Variants in LRFN2 observed in about 807,000 individuals in gnomAD.
LRFN2 encodes leucine-rich repeat and fibronectin type-III domain-containing protein 2.
LRFN2 carries 18 observed loss-of-function variants against 37.3 expected under a neutral mutation model. That is an observed-to-expected ratio of 0.48 (90% CI 0.33 to 0.72). LRFN2 has a LOEUF of 0.72. LRFN2 is among the 30% of genes least tolerant of loss of function. The probability of loss-of-function intolerance (pLI) is 0.02; values close to 1 mark genes in which losing one functional copy is unlikely to be tolerated. For synonymous variants in LRFN2, 556 were observed against 466.6 expected (o/e 1.19, Z -2.47); for missense variants, 1,006 against 1,060.7 (o/e 0.95, Z 0.72).
At chr6:40,487,755 A>G (rs1033426887) in intron 1 of LRFN2, among the ~76,000 whole-genome samples, 3 of 152,242 alleles carry the variant, frequency 2.0e-5, no homozygotes, top group Admixed American at 6.5e-5. Context: ...AAAGGAAGCT[A>G]CCAGGCCCAC....
chr6:40,432,959 C>G lies in LRFN2; in HGVS notation c.155G>C (p.Arg52Pro). ...GCCCAGGCGCAGCTCCACTGTCCGC[C>G]GGTCAATATCAGGGGGTACAAAGAG... is the stretch of plus-strand genomic sequence containing the variant. Reference protein sequence around the residue: ...GLLFVPPDIDRRTVELRLGGN... With the variant: ...GLLFVPPDIDPRTVELRLGGN... Residue 52 changes from arginine to proline, a missense_variant, in exon 2 of 3, where the codon CGG becomes CCG. This residue lies in a region of LRFN2 where 185 missense variants were observed against 254.9 expected (regional missense o/e 0.73). Transcript: ENST00000338305. The G allele has an allele frequency of 6.2e-7, 1 of 1,613,556 alleles. No individual in the cohort carries two copies. The highest frequency in any genetic ancestry group is 8.5e-7 in the Non-Finnish European group (1 of 1,179,646).
chr6:40,475,774 C>T (rs985412637), intron 1 of LRFN2, among the ~76,000 whole-genome samples: 1 of 152,150 alleles, frequency 6.6e-6, no homozygotes, highest in African/African-American at 2.4e-5. Context: ...GCTGACAATG[C>T]TCCTGGGATG....
At chr6:40,543,546 A>C (rs1766595795) in intron 1 of LRFN2, among the ~76,000 whole-genome samples, 1 of 152,160 alleles carries the variant, frequency 6.6e-6, no homozygotes, top group Non-Finnish European at 1.5e-5. Flanking sequence ...GTGGGAAAAC[A>C]AGCCTGTGAT....
chr6:40,437,301 T>C (rs574937632), intron 1 of LRFN2, among the ~76,000 whole-genome samples: 3 of 152,288 alleles, frequency 2.0e-5, no homozygotes, highest in Non-Finnish European at 4.4e-5. Flanking sequence ...GCAATATAGA[T>C]GGACTGCCTC....
At chr6:40,509,785 G>A (rs1765648022) in intron 1 of LRFN2, among the ~76,000 whole-genome samples, 1 of 151,112 alleles carries the variant, frequency 6.6e-6, no homozygotes, top group Admixed American at 6.6e-5. Context: ...AGGCAGTGGG[G>A]TGGGGGTGCA....
chr6:40,576,938 A>G (rs2113797654), intron 1 of LRFN2, among the ~76,000 whole-genome samples: 1 of 151,728 alleles, frequency 6.6e-6, no homozygotes, highest in Admixed American at 6.6e-5. Context: ...CACCCTAGAT[A>G]CTGACCCATG....
chr6:40,510,542 G>A (rs780071917), intron 1 of LRFN2, among the ~76,000 whole-genome samples: 14 of 152,190 alleles, frequency 9.2e-5, no homozygotes, highest in Non-Finnish European at 1.8e-4. Flanking sequence ...ACAAACATTT[G>A]TTGAGCTCCT....
chr6:40,509,900 A>G (rs115499806), intron 1 of LRFN2, among the ~76,000 whole-genome samples: 2,766 of 143,776 alleles, frequency 0.019, 24 homozygotes, highest in Non-Finnish European at 0.024. Flanking sequence ...AGTGGGGGTG[A>G]GTGCATGCAT....
At chr6:40,425,006 T>C (rs1435312280) in intron 2 of LRFN2, among the ~76,000 whole-genome samples, 1 of 152,046 alleles carries the variant, frequency 6.6e-6, no homozygotes, top group Non-Finnish European at 1.5e-5. Context: ...CCTGATGGGG[T>C]GAAAACTTGC....
Position 40,391,797 on chromosome 6 carries a change from T to C in LRFN2, c.*146A>G, listed in dbSNP as rs2113787735. 3 of 759,904 alleles carry C rather than the reference T, an allele frequency of 3.9e-6. No individual in the cohort carries two copies. Among genetic ancestry groups the C allele is most frequent in the South Asian group, 2.8e-5 (1 of 36,104 alleles). 47.1% of individuals were successfully genotyped at this position (759,904 alleles called of 1,614,324 possible). A position where few individuals can be genotyped will look rare whatever the true frequency, so the allele number is the denominator to read the frequency against. On this transcript the variant is annotated 3_prime_UTR_variant, in exon 3 of 3. Transcript: ENST00000338305. ...GGGAGGTGATGTGGGTGTTGCGGGG[T>C]AGGGGGGGACACGAGGCCATTGACA... is the stretch of plus-strand genomic sequence containing the variant.
At chr6:40,523,742 C>T (rs1766159135) in intron 1 of LRFN2, 1 of 152,142 alleles carries the variant, frequency 6.6e-6, no homozygotes, top group African/African-American at 2.4e-5. Context: ...TTAAGACACC[C>T]AAGGCCACAA....
chr6:40,526,507 A>T (rs774221537), intron 1 of LRFN2, among the ~76,000 whole-genome samples: 10 of 152,106 alleles, frequency 6.6e-5, no homozygotes, highest in Non-Finnish European at 1.2e-4. Context: ...TTAGCACACC[A>T]GTTCTCCACA....
chr6:40,543,471 T>C (rs537191977), intron 1 of LRFN2, among the ~76,000 whole-genome samples: 3 of 152,270 alleles, frequency 2.0e-5, no homozygotes, highest in Admixed American at 2.0e-4. Context: ...AACTTCTTCC[T>C]CCCACCATCC....
rs549222487 is a variant in LRFN2 at position 40,456,632 on chromosome 6, T to C, written c.-18-23501A>G. On this transcript the variant is annotated intron_variant, in intron 1 of 2. Transcript: ENST00000338305. ...TGGCATATTGGTTGGCTTGTTTGAT[T>C]CTCTAAGATCCCTGAAGGGAATATT... 1.0e-3 allele frequency among the ~76,000 whole-genome samples: 157 copies of C among 152,320 alleles called. 1 individual carries two copies. The South Asian group carries it at 0.032, about 31-fold the overall frequency.
Position 40,506,459 on chromosome 6 carries a change from T to G in LRFN2, c.-18-73328A>C, listed in dbSNP as rs1324281613. ...AGAAATCATGTTCACTGGAGTCAAA[T>G]CTACATTCTATATATTCTAGAACTG... On this transcript the variant is annotated intron_variant, in intron 1 of 2. Coordinates refer to ENST00000338305, the MANE Select transcript of LRFN2 (RefSeq NM_020737.3). Among the ~76,000 whole-genome samples, 4 of 152,184 alleles carry G rather than the reference T, an allele frequency of 2.6e-5. 1 individual carries two copies. The South Asian group carries it at 8.3e-4, about 32-fold the overall frequency.
intron 2 of LRFN2, among the ~76,000 whole-genome samples, chr6:40,398,191 A>G (rs1289310117): frequency 6.6e-6 from 1 of 151,600 alleles, no homozygotes; most frequent in Admixed American, 6.6e-5. Flanking sequence ...ATCCCAGGAC[A>G]CCCCTGGGCT....
intron 1 of LRFN2, among the ~76,000 whole-genome samples, chr6:40,458,938 C>T (rs1330296756): frequency 2.6e-5 from 4 of 152,248 alleles, no homozygotes; most frequent in African/African-American, 2.4e-5. Flanking sequence ...GGAAAATACA[C>T]TTCCGTCTTA....
At chr6:40,509,160 C>T (rs1203132543) in intron 1 of LRFN2, among the ~76,000 whole-genome samples, 1 of 152,224 alleles carries the variant, frequency 6.6e-6, no homozygotes. Context: ...AATGACCTAG[C>T]CAAGGATGAC....
At chr6:40,466,675 T>G (rs1475766216) in intron 1 of LRFN2, among the ~76,000 whole-genome samples, 2 of 152,144 alleles carry the variant, frequency 1.3e-5, no homozygotes, top group East Asian at 3.8e-4. Flanking sequence ...TTCATCCCTA[T>G]GCAAGTCACC....
Sources: allele counts gnomAD v4.1 joint callset (sites outside exome capture counted in the v4.1 genomes callset), GRCh38; gene constraint gnomAD v4.1.1; regional missense constraint gnomAD v4.1.1; transcripts MANE v1.5; gene names NCBI Gene and HGNC (gene_info 2026-07-23, HGNC 2026-07-21).